The following CHUK variants were observed in gnomAD, a reference collection of about 807,000 sequenced individuals.
CHUK encodes inhibitor of nuclear factor kappa-B kinase subunit alpha.
In CHUK, 35 loss-of-function variants were observed where a neutral mutation model predicts 104.8. The ratio of observed to expected loss-of-function variants is 0.33; its 90% CI spans 0.26 to 0.44. CHUK has a LOEUF of 0.44. Ranked by LOEUF, CHUK falls within the 20% of genes least tolerant of loss-of-function variation. The pLI, the probability that CHUK is intolerant of heterozygous loss-of-function variation, is 1.00. For synonymous variants in CHUK, 276 were observed against 291.9 expected, an observed-to-expected ratio of 0.95 and a Z score of 0.56; for missense variants, 663 against 902.7, an observed-to-expected ratio of 0.73 and a Z score of 3.40.
intron 4 of CHUK, among the ~76,000 whole-genome samples, chr10:100,221,532 AGAGAAATT>A (rs1174967195): frequency 2.0e-5 from 3 of 152,158 alleles, no homozygotes; most frequent in Admixed American, 6.5e-5. Context: ...GTAGGGGGGG[AGAGAAATT>A]GAGTAAGGTC....
chr10:100,218,553 G>A (rs1419383439), intron 8 of CHUK, among the ~76,000 whole-genome samples, 165 bp downstream of exon 8: 1 of 152,148 alleles, frequency 6.6e-6, no homozygotes, highest in Admixed American at 6.6e-5. Flanking sequence ...CTAGCTACAT[G>A]TCAAGTAGTC....
upstream of CHUK, chr10:100,229,596 TGCTC>T: frequency 1.1e-6 from 1 of 951,716 alleles, no homozygotes; most frequent in Non-Finnish European, 1.6e-6. Context: ...GGGCCGCCGA[TGCTC>T]GCGCGTCTTT....
chr10:100,197,879 G>A (rs774495637), intron 16 of CHUK, among the ~76,000 whole-genome samples: 13 of 151,682 alleles, frequency 8.6e-5, no homozygotes, highest in Non-Finnish European at 8.8e-5. Flanking sequence ...ACCAAAAAAC[G>A]ATATTTTCTA....
At chr10:100,194,906 TC>T (rs1297721470) in intron 16 of CHUK, 2 of 160,854 alleles carry the variant, frequency 1.2e-5, no homozygotes, top group African/African-American at 4.8e-5. Context: ...GTAGGACAAT[TC>T]ATCAAACTTT....
chr10:100,221,674 G>A (rs1845990955), intron 4 of CHUK, among the ~76,000 whole-genome samples: 1 of 152,136 alleles, frequency 6.6e-6, no homozygotes, highest in Admixed American at 6.5e-5. Context: ...GTCTCACTCT[G>A]TTGTCCAAGC....
rs1028614121 is a variant in CHUK at position 100,208,348 on chromosome 10, C to T, written c.1129-1016G>A. 2.0e-5 allele frequency among the ~76,000 whole-genome samples: 3 copies of T among 152,308 alleles called. No individual in the cohort carries two copies. The East Asian group carries it at 5.8e-4, about 29-fold the overall frequency. ...TCTCGAACTCTTGAACTCAGCAATC[C>T]ACCCACCTTGGGTTCCCAAAGTCCC... On this transcript the variant is annotated intron_variant, in intron 10 of 20. Transcript: ENST00000370397.
chr10:100,200,570 A>G, intron 15 of CHUK, 101 bp downstream of exon 15: 3 of 725,718 alleles, frequency 4.1e-6, no homozygotes, highest in Non-Finnish European at 7.5e-6. Context: ...GGAAAGGAAA[A>G]CTATAGAAAA....
chr10:100,192,252 A>G (rs570073057), intron 19 of CHUK, among the ~76,000 whole-genome samples: 14 of 152,236 alleles, frequency 9.2e-5, no homozygotes, highest in Non-Finnish European at 1.9e-4. Flanking sequence ...CATCCGCTAA[A>G]AAACTTAAAT....
At position 100,226,027 on chromosome 10, in the gene CHUK, T is replaced by G. The variant is rs201130944; in HGVS notation, c.106-10A>C. ...TTTTGAGATCAAGTTCCTGCCAAAA[T>G]AGAAAATCAACAGAAAAAAAAAATT... On this transcript the variant is annotated splice_polypyrimidine_tract_variant and intron_variant, in intron 1 of 20. Transcript: ENST00000370397. 1.0e-4 allele frequency: 160 copies of G among 1,536,074 alleles called. No individual in the cohort carries two copies. Among genetic ancestry groups the G allele is most frequent in the Middle Eastern group, 3.4e-4 (2 of 5,902 alleles).
Position 100,193,355 on chromosome 10 carries a change from G to A in CHUK, c.2051C>T (p.Pro684Leu). 1 of 1,614,104 alleles carries A rather than the reference G, an allele frequency of 6.2e-7. No homozygotes were observed. Among genetic ancestry groups the A allele is most frequent in the East Asian group, 2.2e-5 (1 of 44,886 alleles). The change falls in exon 19 of 21, where the codon CCC becomes CTC. Residue 684 changes from proline (P) to leucine (L), a missense_variant. By Grantham distance (98) the Pro-to-Leu change is moderately conservative. Coordinates refer to ENST00000370397, the MANE Select transcript of CHUK (RefSeq NM_001278.5). ...AVTPQTSAWL[P>L]PTSAEHDHSL... ...ATGATCATGTTCTGCTGAAGTCGGG[G>A]GCAGCCATGCTGATGTCTGAGGGGT...
rs1845546934 is a variant in CHUK at position 100,204,595 on chromosome 10, G to A, written c.1418C>T (p.Ser473Leu). 6.2e-7 allele frequency: 1 copy of A among 1,613,056 alleles called. No homozygotes were observed. Among genetic ancestry groups the A allele is most frequent in the Non-Finnish European group, 8.5e-7 (1 of 1,179,150 alleles). ...TKMKNTLISA[S>L]QQLKAKLEFF... is the part of the protein sequence containing the mutation. ...CTCCAATTTAGCTTTCAGTTGTTGT[G>A]ATGCTGAGATCAAAGTGTTCTTCAT... is the stretch of plus-strand genomic sequence containing the variant. The change falls in exon 13 of 21, where the codon TCA (serine) becomes TTA (leucine). Residue 473 changes from serine to leucine, a missense_variant. Transcript: ENST00000370397.
At chr10:100,194,363 T>C in intron 17 of CHUK, 62 bp downstream of exon 17, 5 of 1,298,424 alleles carry the variant, frequency 3.9e-6, no homozygotes, top group Non-Finnish European at 5.6e-6. Context: ...GCTTTTGTAC[T>C]TTGAGAGGAA....
At chr10:100,215,170 G>A (rs1845823654) in intron 9 of CHUK, among the ~76,000 whole-genome samples, 1 of 147,044 alleles carries the variant, frequency 6.8e-6, no homozygotes, top group Non-Finnish European at 1.5e-5. Flanking sequence ...AGGAGGTGTA[G>A]GTTGCAGTGA....
In CHUK at chr10:100,189,472, GT is replaced by G; in HGVS notation, c.*125del. On this transcript the variant is annotated 3_prime_UTR_variant, in exon 21 of 21. Coordinates refer to ENST00000370397, the MANE Select transcript of CHUK (RefSeq NM_001278.5). ...TTCTTCTGATCATAGTAGAAATGTA[GT>G]TTCTGTTCATAGCCATTTCTTCCAT... The G allele has an allele frequency of 1.3e-6, 1 of 783,132 alleles. No homozygotes were observed. Among genetic ancestry groups the G allele is most frequent in the South Asian group, 1.4e-5 (1 of 71,270 alleles). The allele number at this position is 783,132 out of a possible 1,614,324, so 48.5% of individuals were successfully genotyped here.
chr10:100,208,326 C>T (rs542958874), intron 10 of CHUK, among the ~76,000 whole-genome samples: 6 of 152,230 alleles, frequency 3.9e-5, no homozygotes, highest in South Asian at 4.1e-4. Flanking sequence ...AGGCAGGTCT[C>T]GAACTCTTGA....
intron 18 of CHUK, 86 bp downstream of exon 18, chr10:100,193,898 G>GCC: frequency 8.3e-7 from 1 of 1,206,472 alleles, no homozygotes; most frequent in Non-Finnish European, 1.2e-6. Flanking sequence ...CTTCAAGAGG[G>GCC]CCCACCTCAT....
At chr10:100,207,124 G>A in intron 11 of CHUK, 106 bp downstream of exon 11, 1 of 715,108 alleles carries the variant, frequency 1.4e-6, no homozygotes, top group Non-Finnish European at 2.6e-6. Flanking sequence ...CTTCAAGTAT[G>A]AGATACAGAA....
chr10:100,187,885 A>C (rs1845096622), downstream of CHUK: 1 of 152,254 alleles, frequency 6.6e-6, no homozygotes, highest in Admixed American at 6.5e-5. Flanking sequence ...TCAGACTCCC[A>C]GATAAGCACT....
intron 14 of CHUK, among the ~76,000 whole-genome samples, chr10:100,201,703 AAGTT>A (rs575096947): frequency 5.4e-4 from 82 of 152,224 alleles, no homozygotes; most frequent in African/African-American, 1.8e-3. Context: ...AAAAATGTAA[AAGTT>A]AGCCAGGCAT....
Sources: allele counts gnomAD v4.1 joint callset (sites outside exome capture counted in the v4.1 genomes callset), GRCh38; gene constraint gnomAD v4.1.1; transcripts MANE v1.5; gene names NCBI Gene and HGNC (gene_info 2026-07-23, HGNC 2026-07-21).